Variants in ZNF804B observed in about 807,000 individuals in gnomAD.
ZNF804B encodes the protein zinc finger protein 804B.
ZNF804B carries 80 observed loss-of-function variants against 101.4 expected under a neutral mutation model. The ratio of observed to expected loss-of-function variants is 0.79; its 90% CI spans 0.66 to 0.95. The LOEUF (loss-of-function observed/expected upper bound fraction) is 0.95, where lower values mean the gene tolerates loss of function less well. Among genes scored for constraint, ZNF804B ranks in the 40% least tolerant of loss-of-function variants. The probability of loss-of-function intolerance (pLI) is 0.00; values close to 1 mark genes in which losing one functional copy is unlikely to be tolerated. For missense variants in ZNF804B, 1,673 were observed against 1,561.9 expected, an observed-to-expected ratio of 1.07 and a Z score of -1.20; for synonymous variants, 622 against 558.8, an observed-to-expected ratio of 1.11 and a Z score of -1.59.
intron 1 of ZNF804B, among the ~76,000 whole-genome samples, chr7:89,072,631 A>C (rs2116299945): frequency 1.3e-5 from 2 of 152,244 alleles, no homozygotes; most frequent in South Asian, 2.1e-4. Context: ...TATTCTATGC[A>C]AAATGAATAA....
At chr7:89,254,400 G>A (rs1789593075) in intron 2 of ZNF804B, among the ~76,000 whole-genome samples, 1 of 151,338 alleles carries the variant, frequency 6.6e-6, no homozygotes, top group Non-Finnish European at 1.5e-5. Flanking sequence ...ACCATAAGAT[G>A]AGTAAATCCT....
intron 1 of ZNF804B, among the ~76,000 whole-genome samples, chr7:88,874,446 A>G (rs1044191531): frequency 6.6e-6 from 1 of 151,860 alleles, no homozygotes; most frequent in Non-Finnish European, 1.5e-5. Context: ...TCTTTTCCTA[A>G]TTGAATACCC....
chr7:89,136,738 T>A (rs1012402276), intron 1 of ZNF804B, among the ~76,000 whole-genome samples: 3 of 27,688 alleles, frequency 1.1e-4, no homozygotes, highest in Non-Finnish European at 1.9e-4. Context: ...TGTGTGTGAG[T>A]GTGTGTGTGT....
chr7:88,865,206 C>T (rs925944555), intron 1 of ZNF804B, among the ~76,000 whole-genome samples: 1 of 127,438 alleles, frequency 7.8e-6, no homozygotes, highest in Non-Finnish European at 1.6e-5. Flanking sequence ...CCAGCCTGAG[C>T]AACAAGAGCA....
At chr7:88,945,270 G>A (rs552130689) in intron 1 of ZNF804B, among the ~76,000 whole-genome samples, 1 of 152,016 alleles carries the variant, frequency 6.6e-6, no homozygotes, top group Non-Finnish European at 1.5e-5. Context: ...TTTGTATAAG[G>A]TGTAAGGAAG....
intron 1 of ZNF804B, among the ~76,000 whole-genome samples, chr7:89,076,272 C>T (rs147344010): frequency 6.6e-6 from 1 of 152,136 alleles, no homozygotes; most frequent in Non-Finnish European, 1.5e-5. Flanking sequence ...ATTCCACAAT[C>T]CCCCTGTGTC....
At chr7:89,058,955 A>C (rs1444288559) in intron 1 of ZNF804B, among the ~76,000 whole-genome samples, 1 of 1,366 alleles carries the variant, frequency 7.3e-4, no homozygotes, top group Admixed American at 0.013. Context: ...TGGCCTCCTA[A>C]AGTGCTAGGA....
intron 1 of ZNF804B, among the ~76,000 whole-genome samples, chr7:88,763,909 C>A (rs970437686): frequency 6.6e-6 from 1 of 152,186 alleles, no homozygotes; most frequent in Admixed American, 6.5e-5. Flanking sequence ...GGGGACCCAG[C>A]AAGCCAGTCC....
At chr7:89,237,642 G>A (rs1297959141) in intron 2 of ZNF804B, among the ~76,000 whole-genome samples, 2 of 152,160 alleles carry the variant, frequency 1.3e-5, no homozygotes, top group African/African-American at 4.8e-5. Flanking sequence ...GTAGTCAATG[G>A]CTTCCAAGCC....
Position 89,336,217 on chromosome 7 carries a change from T to C in ZNF804B, c.3235T>C (p.Ser1079Pro). ...AAATGAATTCCCTGGTGCTTTTCCG[T>C]CTAATAAATATACTGGTGTGACTGA... ...VPNEFPGAFPSNKYTGVTDST... is the reference protein window; with the variant it reads ...VPNEFPGAFPPNKYTGVTDST... Residue 1079 changes from serine (S) to proline (P), a missense_variant, in exon 4 of 4, where the codon TCT (serine) becomes CCT (proline). Coordinates refer to ENST00000333190, the MANE Select transcript of ZNF804B (RefSeq NM_181646.5). The C allele has an allele frequency of 6.2e-7, 1 of 1,613,848 alleles. No homozygotes were observed. Among genetic ancestry groups the C allele is most frequent in the South Asian group, 1.1e-5 (1 of 91,076 alleles).
At chr7:89,014,661 G>A (rs1788515047) in intron 1 of ZNF804B, among the ~76,000 whole-genome samples, 1 of 152,166 alleles carries the variant, frequency 6.6e-6, no homozygotes, top group Admixed American at 6.6e-5. Context: ...GTATGTCTCT[G>A]AGAAATGTCT....
chr7:88,898,446 C>T (rs1464829029), intron 1 of ZNF804B, among the ~76,000 whole-genome samples: 2 of 151,848 alleles, frequency 1.3e-5, no homozygotes, highest in Non-Finnish European at 2.9e-5. Flanking sequence ...TCTCTTCTGA[C>T]CTCCTACTAG....
At chr7:89,042,060 G>A (rs1451290720) in intron 1 of ZNF804B, among the ~76,000 whole-genome samples, 1 of 152,116 alleles carries the variant, frequency 6.6e-6, no homozygotes, top group South Asian at 2.1e-4. Context: ...GCTGAGAAAT[G>A]TGTTATACTT....
intron 2 of ZNF804B, among the ~76,000 whole-genome samples, chr7:89,318,765 G>GACC (rs1449432871): frequency 6.6e-6 from 1 of 152,060 alleles, no homozygotes; most frequent in East Asian, 1.9e-4. Flanking sequence ...CCATTGCTGA[G>GACC]ACCAGCTCAT....
intron 1 of ZNF804B, among the ~76,000 whole-genome samples, chr7:89,062,498 A>G (rs944502462): frequency 1.1e-4 from 17 of 151,968 alleles, no homozygotes; most frequent in Non-Finnish European, 2.2e-4. Context: ...TTATTTTGTT[A>G]TTTTTATTTA....
At chr7:88,901,607 G>C (rs1022854726) in intron 1 of ZNF804B, among the ~76,000 whole-genome samples, 1 of 151,478 alleles carries the variant, frequency 6.6e-6, no homozygotes, top group African/African-American at 2.4e-5. Context: ...ATATTTATGT[G>C]ATCTTAAAGT....
chr7:89,237,243 T>C (rs1789298624), intron 2 of ZNF804B, among the ~76,000 whole-genome samples: 1 of 152,166 alleles, frequency 6.6e-6, no homozygotes, highest in Non-Finnish European at 1.5e-5. Flanking sequence ...GTTAGCTGAT[T>C]AGAAGAAAAT....
intron 1 of ZNF804B, among the ~76,000 whole-genome samples, chr7:88,861,001 T>C (rs750819261): frequency 6.6e-6 from 1 of 152,130 alleles, no homozygotes; most frequent in Non-Finnish European, 1.5e-5. Context: ...ACTAGTCAAT[T>C]ATGCTAAATT....
intron 1 of ZNF804B, among the ~76,000 whole-genome samples, chr7:88,780,360 GAAATT>G (rs1166357663): frequency 6.8e-6 from 1 of 146,116 alleles, no homozygotes; most frequent in Non-Finnish European, 1.5e-5. Flanking sequence ...TTTTAAGTAA[GAAATT>G]AATGGTAAAT....
Sources: gnomAD v4.1 joint callset for allele counts (sites outside exome capture counted in the v4.1 genomes callset) on GRCh38, gnomAD v4.1.1 for gene constraint, MANE v1.5 for transcripts, NCBI Gene and HGNC (gene_info 2026-07-23, HGNC 2026-07-21) for gene names.